Variants in EEPD1 observed in about 807,000 individuals in gnomAD.
EEPD1 encodes the protein endonuclease/exonuclease/phosphatase family domain-containing protein 1.
EEPD1 carries 17 observed loss-of-function variants against 46.3 expected under a neutral mutation model. The observed-to-expected ratio is 0.37, with a 90% CI of 0.25 to 0.55. The LOEUF is 0.55. EEPD1 is among the 20% of genes least tolerant of loss of function. EEPD1 has a pLI of 0.83. For missense variants in EEPD1, 673 were observed against 745.6 expected (o/e 0.90, Z 1.13); for synonymous variants, 313 against 315.6 (o/e 0.99, Z 0.09).
In EEPD1 at chr7:36,172,559, C is replaced by G. The variant is rs116013334; in HGVS notation, c.878+17357C>G. 5.9e-3 allele frequency among the ~76,000 whole-genome samples: 898 copies of G among 151,902 alleles called. 9 individuals are homozygous for G. The highest frequency in any genetic ancestry group is 0.021 in the African/African-American group (864 of 41,352). ...CATGGCCTGCAGGCTGCATGCAGCC[C>G]AGGATGGCTTTGAACACATCCCAAC... On this transcript the variant is annotated intron_variant, in intron 2 of 7. Transcript: ENST00000242108.
intron 2 of EEPD1, among the ~76,000 whole-genome samples, chr7:36,182,398 G>A (rs1290189620): frequency 6.6e-6 from 1 of 152,226 alleles, no homozygotes; most frequent in Non-Finnish European, 1.5e-5. Flanking sequence ...CACGGGGAGG[G>A]CTGGGACAGT....
intron 3 of EEPD1, among the ~76,000 whole-genome samples, chr7:36,270,421 C>T (rs1787084719): frequency 6.6e-6 from 1 of 152,102 alleles, no homozygotes; most frequent in Non-Finnish European, 1.5e-5. Context: ...AATCCATCAT[C>T]TACATTAGGT....
At chr7:36,162,749 C>G (rs1328373302) in intron 2 of EEPD1, among the ~76,000 whole-genome samples, 4 of 152,226 alleles carry the variant, frequency 2.6e-5, no homozygotes, top group Admixed American at 6.5e-5. Context: ...GCCCTTGTTT[C>G]CTGTGAATTC....
In EEPD1 at chr7:36,154,039, C is replaced by T; in HGVS notation, c.-192-94C>T. 2.2e-5 allele frequency: 10 copies of T among 460,892 alleles called. No homozygotes were observed. The South Asian group carries it at 2.6e-4, about 12-fold the overall frequency. 28.6% of individuals were successfully genotyped at this position (460,892 alleles called of 1,614,324 possible). A position where few individuals can be genotyped will look rare whatever the true frequency, so the allele number is the denominator to read the frequency against. On this transcript the variant is annotated intron_variant, in intron 1 of 7. Transcript: ENST00000242108. This position sits in a 1 kb window ranked among gnomAD's most constrained non-coding sequence, Gnocchi z 4.2. Reference sequence around the variant, plus strand: ...GGGTTCACGGGCAGCCACCAGTCCCCGACTCCTGGTTACTAACTCTAGCAC... The same window carrying T: ...GGGTTCACGGGCAGCCACCAGTCCCTGACTCCTGGTTACTAACTCTAGCAC...
In EEPD1 at chr7:36,154,930, C is replaced by T. The variant is rs144236439; in HGVS notation, c.606C>T (p.Pro202=). 1.9e-6 allele frequency: 3 copies of T among 1,614,076 alleles called. No homozygotes were observed. The highest frequency in any genetic ancestry group is 1.6e-4 in the Middle Eastern group (1 of 6,062). Residue 202 remains proline (P), a synonymous_variant, in exon 2 of 8, where the codon CCC becomes CCT. Transcript: ENST00000242108. This position sits in a 1 kb window ranked among gnomAD's most constrained non-coding sequence, Gnocchi z 4.2. ...AGGTGTTTGCTGAGAGGTCCAGGCC[C>T]CCATCCACCCACACGAACGGGGGAC... ...RHQVFAERSR[P]PSTHTNGGLT...
At chr7:36,159,388 G>T (rs561505689) in intron 2 of EEPD1, among the ~76,000 whole-genome samples, 1 of 152,310 alleles carries the variant, frequency 6.6e-6, no homozygotes, top group African/African-American at 2.4e-5. Context: ...GGTGGATGCA[G>T]CCAGACGTAA....
At chr7:36,281,055 G>A (rs949235019) in intron 3 of EEPD1, 60 bp from the exon 4 acceptor site, 21 of 1,491,506 alleles carry the variant, frequency 1.4e-5, no homozygotes, top group Middle Eastern at 1.8e-4. Context: ...TCAGGCCGCC[G>A]CCAGCCGGGA....
chr7:36,274,877 C>CT (rs1359022753), intron 3 of EEPD1, among the ~76,000 whole-genome samples: 1 of 152,208 alleles, frequency 6.6e-6, no homozygotes, highest in African/African-American at 2.4e-5. Flanking sequence ...AATGTTGCCT[C>CT]TGTCATTTGC....
intron 2 of EEPD1, among the ~76,000 whole-genome samples, chr7:36,176,272 T>G (rs1785178069): frequency 6.6e-6 from 1 of 152,112 alleles, no homozygotes; most frequent in Non-Finnish European, 1.5e-5. Flanking sequence ...GCGAGGATGC[T>G]CAGTGCGTTT....
At chr7:36,285,250 A>G (rs1313798415) in intron 5 of EEPD1, among the ~76,000 whole-genome samples, 1 of 152,154 alleles carries the variant, frequency 6.6e-6, no homozygotes, top group East Asian at 1.9e-4. Context: ...TCACAAGGCC[A>G]GGTGTTAGGG....
At chr7:36,197,100 C>CA (rs1785613797) in intron 2 of EEPD1, among the ~76,000 whole-genome samples, 1 of 146,438 alleles carries the variant, frequency 6.8e-6, no homozygotes, top group South Asian at 2.2e-4. Context: ...TCTGCCCGGC[C>CA]GCCCCATCTG....
At chr7:36,204,735 C>A (rs1329772194) in intron 2 of EEPD1, among the ~76,000 whole-genome samples, 1 of 152,178 alleles carries the variant, frequency 6.6e-6, no homozygotes, top group Non-Finnish European at 1.5e-5. Context: ...TGCACCTCTT[C>A]CCCCTCTATA....
intron 2 of EEPD1, among the ~76,000 whole-genome samples, chr7:36,212,696 A>G (rs1442083710): frequency 6.6e-6 from 1 of 151,390 alleles, no homozygotes; most frequent in Non-Finnish European, 1.5e-5. Flanking sequence ...GTATGTATTC[A>G]TGATATGATT....
chr7:36,299,244 G>A lies in EEPD1; in HGVS notation c.*38G>A, dbSNP rs776394170. On this transcript the variant is annotated 3_prime_UTR_variant, in exon 8 of 8. Transcript: ENST00000242108. ...CATGTGTCCACCCTGGGACCCAGGA[G>A]GGCACAGCCAAGGAATGAGCCCTGT... is the stretch of plus-strand genomic sequence containing the variant. 7 of 1,599,808 alleles carry A rather than the reference G, an allele frequency of 4.4e-6. No homozygotes were observed. The highest frequency in any genetic ancestry group is 6.0e-6 in the Non-Finnish European group (7 of 1,172,894).
chr7:36,257,571 T>C (rs531475998), intron 3 of EEPD1, among the ~76,000 whole-genome samples: 13 of 152,314 alleles, frequency 8.5e-5, no homozygotes, highest in African/African-American at 3.1e-4. Context: ...TTTCATTAAG[T>C]TGGTCTTTGA....
At chr7:36,263,045 T>TA (rs751447453) in intron 3 of EEPD1, among the ~76,000 whole-genome samples, 4 of 152,234 alleles carry the variant, frequency 2.6e-5, no homozygotes, top group East Asian at 1.9e-4. Context: ...AATAAAATGA[T>TA]AAAAAACTTT....
rs138959790 is a variant in EEPD1 at position 36,239,201 on chromosome 7, C to T, written c.930+165C>T. On this transcript the variant is annotated intron_variant, in intron 3 of 7. Transcript: ENST00000242108. ...GCAGAATTTTAATCTGAGCCCCCTA[C>T]CTTGCTGACATTGTGTTCACACCTA... Among the ~76,000 whole-genome samples, 868 of 152,306 alleles carry T rather than the reference C, an allele frequency of 5.7e-3. 6 individuals carry two copies. The highest frequency in any genetic ancestry group is 0.02 in the African/African-American group (825 of 41,562).
chr7:36,260,394 C>T (rs1786902586), intron 3 of EEPD1, among the ~76,000 whole-genome samples: 1 of 152,180 alleles, frequency 6.6e-6, no homozygotes, highest in South Asian at 2.1e-4. Context: ...TCTTTTGTTT[C>T]TGATGAAAAT....
intron 3 of EEPD1, among the ~76,000 whole-genome samples, chr7:36,255,311 T>G (rs891648681): frequency 1.1e-4 from 17 of 152,242 alleles, no homozygotes; most frequent in African/African-American, 4.1e-4. Flanking sequence ...AGTTAATTTT[T>G]GTATAAAGTG....
Sources: allele counts gnomAD v4.1 joint callset (sites outside exome capture counted in the v4.1 genomes callset), GRCh38; gene constraint gnomAD v4.1.1; non-coding constraint Gnocchi (gnomAD v3.1); transcripts MANE v1.5; gene names NCBI Gene and HGNC (gene_info 2026-07-23, HGNC 2026-07-21).